The following SLC44A5 variants were observed in gnomAD, a reference collection of about 807,000 sequenced individuals.
SLC44A5 encodes choline transporter-like protein 5.
In SLC44A5, 57 loss-of-function variants were observed where a neutral mutation model predicts 101.8. The observed-to-expected ratio is 0.56, with a 90% CI of 0.45 to 0.70. The LOEUF is 0.70. Among genes scored for constraint, SLC44A5 ranks in the 30% least tolerant of loss-of-function variants. SLC44A5 has a pLI of 0.00. For synonymous variants in SLC44A5, 281 were observed against 290.9 expected, an observed-to-expected ratio of 0.97 and a Z score of 0.35; for missense variants, 737 against 853.1, an observed-to-expected ratio of 0.86 and a Z score of 1.70.
chr1:75,697,277 A>C, the SLC44A5 span, among the ~76,000 whole-genome samples: 2 of 152,206 alleles, frequency 1.3e-5, no homozygotes, highest in Non-Finnish European at 2.9e-5. Context: ...TAAGAGACTT[A>C]ACATTTGTTG....
chr1:75,721,398 T>A, the SLC44A5 span, among the ~76,000 whole-genome samples: 1 of 152,196 alleles, frequency 6.6e-6, no homozygotes, highest in Admixed American at 6.5e-5. Context: ...GTTATGAAAT[T>A]TTCTTGCGTT....
Position 75,424,552 on chromosome 1 carries a change from G to A in SLC44A5, c.14-27931C>T, listed in dbSNP as rs368619770. Reference sequence around the variant, plus strand: ...ACTCCTGACCTCAAGTGATCTGCCCGCCTCGGCCTCTCTAAAGTAGTTTTA... The same window carrying A: ...ACTCCTGACCTCAAGTGATCTGCCCACCTCGGCCTCTCTAAAGTAGTTTTA... On this transcript the variant is annotated intron_variant, in intron 2 of 23. Transcript: ENST00000370859. Among the ~76,000 whole-genome samples the A allele has an allele frequency of 3.0e-4, 45 of 152,258 alleles. No individual in the cohort carries two copies. The South Asian group carries it at 7.9e-3, about 27-fold the overall frequency.
At chr1:75,675,397 G>A in the SLC44A5 span, among the ~76,000 whole-genome samples, 10 of 151,794 alleles carry the variant, frequency 6.6e-5, no homozygotes, top group East Asian at 3.9e-4. Context: ...TTTTTTTCAC[G>A]ATTTGGCTCT....
At chr1:75,217,844 G>A in intron 18 of SLC44A5, 22 bp downstream of exon 18, 1 of 1,462,914 alleles carries the variant, frequency 6.8e-7, no homozygotes, top group Non-Finnish European at 9.6e-7. Flanking sequence ...CTTCACAAAA[G>A]TCAGGACATC....
chr1:75,324,345 A>G (rs187352834), intron 4 of SLC44A5, among the ~76,000 whole-genome samples: 1 of 152,324 alleles, frequency 6.6e-6, no homozygotes, highest in East Asian at 1.9e-4. Context: ...ACAGGAACAA[A>G]TAAGAAATAA....
intron 6 of SLC44A5, among the ~76,000 whole-genome samples, chr1:75,263,413 A>G (rs1484326004): frequency 6.6e-6 from 1 of 152,220 alleles, no homozygotes; most frequent in African/African-American, 2.4e-5. Flanking sequence ...GACAAATAAA[A>G]TCAAAACCAC....
intron 2 of SLC44A5, among the ~76,000 whole-genome samples, chr1:75,485,926 A>G (rs75746863): frequency 0.026 from 4,017 of 152,100 alleles, 171 homozygotes; most frequent in African/African-American, 0.092. Context: ...CTCACTTACT[A>G]TCGTAAGAAC....
chr1:75,655,754 C>A, the SLC44A5 span, among the ~76,000 whole-genome samples: 4 of 152,150 alleles, frequency 2.6e-5, no homozygotes. Flanking sequence ...AATCCCAAAG[C>A]CCCTGATTCT....
chr1:75,708,347 G>A, the SLC44A5 span, among the ~76,000 whole-genome samples: 1 of 143,712 alleles, frequency 7.0e-6, no homozygotes, highest in Non-Finnish European at 1.5e-5. Flanking sequence ...CCATGAGGTG[G>A]AGGTTTCAGT....
intron 2 of SLC44A5, among the ~76,000 whole-genome samples, chr1:75,405,868 G>A (rs2101471288): frequency 8.0e-6 from 1 of 125,412 alleles, no homozygotes; most frequent in Admixed American, 9.1e-5. Flanking sequence ...GAGCAGAACT[G>A]AAGGCGATAG....
the SLC44A5 span, among the ~76,000 whole-genome samples, chr1:75,616,866 T>A: frequency 2.0e-5 from 3 of 152,188 alleles, no homozygotes; most frequent in Middle Eastern, 3.4e-3. Context: ...CTCTCAGATG[T>A]TGGAGGAATT....
At chr1:75,207,057 C>G (rs1307698877) in intron 23 of SLC44A5, among the ~76,000 whole-genome samples, 3 of 152,132 alleles carry the variant, frequency 2.0e-5, no homozygotes, top group Non-Finnish European at 4.4e-5. Context: ...GCCAAATCCT[C>G]CGGGATGGAG....
chr1:75,531,181 A>G (rs1299305990), intron 2 of SLC44A5, among the ~76,000 whole-genome samples: 1 of 152,246 alleles, frequency 6.6e-6, no homozygotes, highest in Admixed American at 6.5e-5. Context: ...GCGCATTAGC[A>G]TATTAAAAGA....
chr1:75,205,256 A>G (rs1354792358), intron 23 of SLC44A5: 1 of 152,252 alleles, frequency 6.6e-6, no homozygotes, highest in East Asian at 1.9e-4. Context: ...AATCTATAAC[A>G]CAACAATACA....
Position 75,578,223 on chromosome 1 carries a change from A to G in SLC44A5, c.-70+32817T>C, listed in dbSNP as rs181556103. ...ATATATAATTTATATATGGTTCTGT[A>G]TTCATTTTTTATGATTCCTTAAAAG... On this transcript the variant is annotated intron_variant, in intron 1 of 23. Coordinates refer to ENST00000370859, the MANE Select transcript of SLC44A5 (RefSeq NM_001130058.2). Among the ~76,000 whole-genome samples, 53 of 152,226 alleles carry G rather than the reference A, an allele frequency of 3.5e-4. 1 individual carries two copies. The East Asian group carries it at 8.7e-3, about 25-fold the overall frequency.
chr1:75,334,539 A>G (rs1657296500), intron 4 of SLC44A5, among the ~76,000 whole-genome samples: 1 of 152,170 alleles, frequency 6.6e-6, no homozygotes, highest in African/African-American at 2.4e-5. Context: ...GGGTAGAAGC[A>G]AGAATCTAGC....
the SLC44A5 span, among the ~76,000 whole-genome samples, chr1:75,723,111 G>A: frequency 6.6e-6 from 1 of 152,112 alleles, no homozygotes; most frequent in African/African-American, 2.4e-5. Context: ...AGCCAATCAG[G>A]ACAAGTACAG....
chr1:75,693,548 C>T, the SLC44A5 span, among the ~76,000 whole-genome samples: 3 of 152,140 alleles, frequency 2.0e-5, no homozygotes, highest in East Asian at 5.8e-4. Context: ...AGGCAACAGT[C>T]AATTAGATAA....
chr1:75,677,336 G>T, the SLC44A5 span, among the ~76,000 whole-genome samples: 19 of 152,026 alleles, frequency 1.2e-4, no homozygotes, highest in Admixed American at 1.2e-3. Context: ...ACAACAAAAA[G>T]AAAAAGTGTT....
Sources: gnomAD v4.1 joint callset for allele counts (sites outside exome capture counted in the v4.1 genomes callset) on GRCh38, gnomAD v4.1.1 for gene constraint, MANE v1.5 for transcripts, NCBI Gene and HGNC (gene_info 2026-07-23, HGNC 2026-07-21) for gene names.